The following TBCD variants were observed in gnomAD, a reference collection of about 807,000 sequenced individuals.
TBCD encodes the protein tubulin-specific chaperone D.
TBCD carries 105 observed loss-of-function variants against 169.3 expected under a neutral mutation model. The ratio of observed to expected loss-of-function variants is 0.62; its 90% confidence interval spans 0.53 to 0.73. The LOEUF is 0.73. Among genes scored for constraint, TBCD ranks in the 30% least tolerant of loss-of-function variants. TBCD has a pLI of 0.00. For missense variants in TBCD, 1,444 were observed against 1,600.1 expected (o/e 0.90, Z 1.66); for synonymous variants, 700 against 643.9 (o/e 1.09, Z -1.32).
chr17:82,931,245 G>A (rs2062175026), intron 33 of TBCD, among the ~76,000 whole-genome samples: 1 of 152,226 alleles, frequency 6.6e-6, no homozygotes, highest in South Asian at 2.1e-4. Flanking sequence ...CACAGATGCC[G>A]CTCTCGGCAA....
intron 20 of TBCD, among the ~76,000 whole-genome samples, chr17:82,906,885 C>T (rs748734461): frequency 7.2e-5 from 11 of 152,242 alleles, no homozygotes; most frequent in Admixed American, 1.3e-4. Flanking sequence ...TGGCGCTGCT[C>T]TGTGGTTGTG....
Position 82,903,814 on chromosome 17 carries a change from C to G in TBCD, c.1804+336C>G, listed in dbSNP as rs111502705. 3.4e-5 allele frequency among the ~76,000 whole-genome samples: 4 copies of G among 118,366 alleles called. No homozygotes were observed. The highest frequency in any genetic ancestry group is 3.3e-4 in the South Asian group (1 of 3,032). The allele number at this position is 118,366 out of a possible 152,430, so 77.7% of individuals were successfully genotyped here. ...CTCCCTGGTCTCTAGGTGGCTCGCA[C>G]CTGCCACACGACACTCCCTGGTCTC... On this transcript the variant is annotated intron_variant, in intron 19 of 38. Transcript: ENST00000355528. This position sits in a 1 kb window ranked among gnomAD's most constrained non-coding sequence, Gnocchi z 4.8.
chr17:82,769,124 C>T (rs75623390), intron 5 of TBCD, among the ~76,000 whole-genome samples: 3,401 of 152,190 alleles, frequency 0.022, 145 homozygotes, highest in African/African-American at 0.078. Context: ...TTCTGTGGGT[C>T]GGGAGTCTGG....
At chr17:82,790,167 G>C (rs943919525) in intron 7 of TBCD, among the ~76,000 whole-genome samples, 2 of 152,146 alleles carry the variant, frequency 1.3e-5, no homozygotes, top group African/African-American at 4.8e-5. Context: ...ATTTCCTTCT[G>C]TGAAGTGTTC....
At chr17:82,762,315 CAAAAA>C (rs35386796) in intron 2 of TBCD, among the ~76,000 whole-genome samples, 1 of 91,468 alleles carries the variant, frequency 1.1e-5, no homozygotes, top group Admixed American at 1.2e-4. Context: ...GACTCCGTCT[CAAAAA>C]AAAAAAAAAA....
chr17:82,838,859 A>G (rs1339367868), intron 13 of TBCD: 2 of 985,410 alleles, frequency 2.0e-6, no homozygotes, highest in Non-Finnish European at 2.4e-6. Context: ...TCACCACTTT[A>G]CAGTCGCCGC....
Position 82,889,631 on chromosome 17 carries a change from C to T in TBCD, c.1534-37C>T, listed in dbSNP as rs370554974. ...TGCCTCTGGTGTTGGCGGAAGCTGA[C>T]CTCGCTCACCTGCTGTGTTTGTTCT... On this transcript the variant is annotated intron_variant, in intron 15 of 38. Transcript: ENST00000355528. This position sits in a 1 kb window ranked among gnomAD's most constrained non-coding sequence, Gnocchi z 5.3. 18 of 1,613,738 alleles carry T rather than the reference C, an allele frequency of 1.1e-5. No homozygotes were observed. Among genetic ancestry groups the T allele is most frequent in the Admixed American group, 3.3e-5 (2 of 59,998 alleles).
At chr17:82,876,438 G>A (rs1281205530) in intron 14 of TBCD, among the ~76,000 whole-genome samples, 2 of 152,224 alleles carry the variant, frequency 1.3e-5, no homozygotes, top group African/African-American at 4.8e-5. Flanking sequence ...GTGTTCCTGC[G>A]AAGGGAAACT....
At chr17:82,753,283 C>T (rs2047212694) in intron 1 of TBCD, among the ~76,000 whole-genome samples, 1 of 151,958 alleles carries the variant, frequency 6.6e-6, no homozygotes, top group Non-Finnish European at 1.5e-5. Flanking sequence ...GAATTCTGGC[C>T]CTGTCGCTTG....
At position 82,792,048 on chromosome 17, in the gene TBCD, G is replaced by A. The variant is rs574004315; in HGVS notation, c.772-5709G>A. 3.3e-5 allele frequency among the ~76,000 whole-genome samples: 5 copies of A among 152,340 alleles called. No individual in the cohort carries two copies. In the South Asian group the frequency reaches 1.0e-3, roughly 32 times the overall value. On this transcript the variant is annotated intron_variant, in intron 7 of 38. Coordinates refer to ENST00000355528, the MANE Select transcript of TBCD (RefSeq NM_005993.5). ...TCATCAGCTGGGCACGGTGGATCACGCCTGTAATCCCAGCACTTTGGGAGG... is the reference window on the plus strand; with the variant it reads ...TCATCAGCTGGGCACGGTGGATCACACCTGTAATCCCAGCACTTTGGGAGG...
In TBCD at chr17:82,831,025, G is replaced by A; in HGVS notation, c.1318+16091G>A. 6.2e-7 allele frequency: 1 copy of A among 1,614,104 alleles called. No homozygotes were observed. Among genetic ancestry groups the A allele is most frequent in the East Asian group, 2.2e-5 (1 of 44,880 alleles). ...GAAAATGACATTTTCTTACCTTACT[G>A]GAGACTCTGCTGTGGTCTCAGCAGC... is the stretch of plus-strand genomic sequence containing the variant. On this transcript the variant is annotated intron_variant, in intron 13 of 38. Transcript: ENST00000355528. The surrounding 1 kb of genome is among the most constrained non-coding windows in gnomAD (Gnocchi z 4.6).
At chr17:82,776,324 G>T (rs1177953677) in intron 6 of TBCD, among the ~76,000 whole-genome samples, 1 of 152,176 alleles carries the variant, frequency 6.6e-6, no homozygotes, top group Non-Finnish European at 1.5e-5. Context: ...TGGGAGGATT[G>T]CTTGAGCCCA....
chr17:82,872,713 C>A (rs2146015624), intron 14 of TBCD, among the ~76,000 whole-genome samples: 1 of 152,404 alleles, frequency 6.6e-6, no homozygotes, highest in South Asian at 2.1e-4. Flanking sequence ...GTTGATATCT[C>A]ATTCAGTTTC....
intron 13 of TBCD, among the ~76,000 whole-genome samples, chr17:82,818,961 G>A (rs1020268620): frequency 6.6e-6 from 1 of 152,154 alleles, no homozygotes; most frequent in Non-Finnish European, 1.5e-5. Flanking sequence ...GGGAGGCTGA[G>A]GCAGAAGAAT....
chr17:82,758,817 G>C (rs886481618), intron 2 of TBCD, among the ~76,000 whole-genome samples: 3 of 151,544 alleles, frequency 2.0e-5, no homozygotes, highest in African/African-American at 7.3e-5. Context: ...GTGCTACCAC[G>C]CCTGGCTAAT....
intron 13 of TBCD, among the ~76,000 whole-genome samples, chr17:82,850,988 C>G (rs139359313): frequency 6.6e-6 from 1 of 152,328 alleles, no homozygotes; most frequent in East Asian, 1.9e-4. Context: ...GCAGAGGCGA[C>G]TGGCATGATT....
At chr17:82,830,761 T>C (rs746853009) in intron 13 of TBCD, 11 of 1,613,704 alleles carry the variant, frequency 6.8e-6, no homozygotes, top group East Asian at 2.2e-5. Flanking sequence ...CTCTGATTTC[T>C]TGGAGAGGTT....
At chr17:82,848,969 G>A (rs1312491473) in intron 13 of TBCD, among the ~76,000 whole-genome samples, 3 of 59,690 alleles carry the variant, frequency 5.0e-5, no homozygotes, top group African/African-American at 2.3e-4. Flanking sequence ...TGTCTGCTGC[G>A]TCTTCTCCAC....
intron 13 of TBCD, among the ~76,000 whole-genome samples, chr17:82,823,986 C>CT (rs1437910015): frequency 6.6e-6 from 1 of 151,850 alleles, no homozygotes; most frequent in African/African-American, 2.4e-5. Context: ...TGAAAAAGGA[C>CT]TTTGCCTGTT....
Sources: gnomAD v4.1 joint callset for allele counts (sites outside exome capture counted in the v4.1 genomes callset) on GRCh38, gnomAD v4.1.1 for gene constraint, Gnocchi (gnomAD v3.1) non-coding constraint, MANE v1.5 for transcripts, NCBI Gene and HGNC (gene_info 2026-07-23, HGNC 2026-07-21) for gene names.